Variants in RAPGEF2 observed in about 807,000 individuals in gnomAD.
RAPGEF2 encodes the protein Rap guanine nucleotide exchange factor 2, also known as PDZ domain containing guanine nucleotide exchange factor (GEF) 1.
Under a neutral mutation model 186.7 loss-of-function variants are expected in RAPGEF2, and 54 were observed. That is an observed-to-expected ratio of 0.29 (90% confidence interval 0.23 to 0.36). The LOEUF (loss-of-function observed/expected upper bound fraction) is 0.36, where lower values mean the gene tolerates loss of function less well. Ranked by LOEUF, RAPGEF2 falls within the 10% of genes least tolerant of loss-of-function variation. RAPGEF2 has a pLI of 1.00. For missense variants in RAPGEF2, 1,532 were observed against 2,045.0 expected, an observed-to-expected ratio of 0.75 and a Z score of 4.84; for synonymous variants, 712 against 705.9, an observed-to-expected ratio of 1.01 and a Z score of -0.14.
At chr4:159,298,973 G>A (rs1762340252) in intron 7 of RAPGEF2, among the ~76,000 whole-genome samples, 1 of 152,100 alleles carries the variant, frequency 6.6e-6, no homozygotes, top group South Asian at 2.1e-4. Flanking sequence ...TGAAAATATA[G>A]TATCCTTTAT....
intron 4 of RAPGEF2, among the ~76,000 whole-genome samples, chr4:159,231,892 C>T (rs1287109348): frequency 1.3e-5 from 2 of 152,200 alleles, no homozygotes; most frequent in African/African-American, 2.4e-5. Context: ...CCATCTCTAA[C>T]TAGGTCTTTC....
At position 159,359,900 on chromosome 4, in the gene RAPGEF2, C is replaced by CT; in HGVS notation, c.*1762dup. On this transcript the variant is annotated 3_prime_UTR_variant, in exon 30 of 30. Transcript: ENST00000691494. ...TAAGTAATTGTAGAACATAGGACTG[C>CT]TAATCTCAGTTCGCTCTGTGATGTC... 1 of 152,182 alleles carries CT rather than the reference C, an allele frequency of 6.6e-6. No individual in the cohort carries two copies. Among genetic ancestry groups the CT allele is most frequent in the Non-Finnish European group, 1.5e-5 (1 of 68,030 alleles). 9.4% of individuals were successfully genotyped at this position (152,182 alleles called of 1,614,324 possible).
chr4:159,356,163 A>G lies in RAPGEF2; in HGVS notation c.4957+5A>G. 2 of 1,608,636 alleles carry G rather than the reference A, an allele frequency of 1.2e-6. No individual in the cohort carries two copies. Among genetic ancestry groups the G allele is most frequent in the Non-Finnish European group, 1.7e-6 (2 of 1,175,622 alleles). On this transcript the variant is annotated splice_donor_5th_base_variant and intron_variant, in intron 29 of 29. Transcript: ENST00000691494. Reference sequence around the variant, plus strand: ...GGTTTTCCACCGAGGAGGATGGTATATGCACATAAATATTCCTAAAACCTC... The same window carrying G: ...GGTTTTCCACCGAGGAGGATGGTATGTGCACATAAATATTCCTAAAACCTC...
intron 26 of RAPGEF2, 101 bp downstream of exon 26, chr4:159,350,390 C>CT (rs1190983782): frequency 9.8e-7 from 1 of 1,017,018 alleles, no homozygotes; most frequent in East Asian, 3.0e-5. Context: ...ACATTATAGT[C>CT]ATTTAAGATG....
intron 4 of RAPGEF2, among the ~76,000 whole-genome samples, chr4:159,224,935 T>C (rs1216679415): frequency 6.6e-6 from 1 of 152,206 alleles, no homozygotes; most frequent in Non-Finnish European, 1.5e-5. Context: ...GCTTCAGATC[T>C]TTGAATTTGG....
Position 159,338,315 on chromosome 4 carries a change from A to T in RAPGEF2, c.2140A>T (p.Ile714Phe), listed in dbSNP as rs1180153247. Residue 714 changes from isoleucine to phenylalanine, a missense_variant, in exon 18 of 30, where the codon ATT (isoleucine) becomes TTT (phenylalanine). Around this residue, in one of 4 missense-constraint regions of RAPGEF2, gnomAD observed 810 missense variants for 1,210.5 expected, o/e 0.67. Transcript: ENST00000691494. Reference sequence around the variant, plus strand: ...CTAATTTTCCTCTTTGTTCAGTGATATTGGGATTGGTCAGTCTCAAGATGA... The same window carrying T: ...CTAATTTTCCTCTTTGTTCAGTGATTTTGGGATTGGTCAGTCTCAAGATGA... Reference protein sequence around the residue: ...SILPQKPYNDIGIGQSQDDSI... With the variant: ...SILPQKPYNDFGIGQSQDDSI... 1.9e-6 allele frequency: 3 copies of T among 1,610,436 alleles called. No individual in the cohort carries two copies. Among genetic ancestry groups the T allele is most frequent in the Non-Finnish European group, 1.7e-6 (2 of 1,177,916 alleles).
At chr4:159,131,743 A>G (rs1741137059) in intron 1 of RAPGEF2, among the ~76,000 whole-genome samples, 1 of 151,618 alleles carries the variant, frequency 6.6e-6, no homozygotes, top group African/African-American at 2.4e-5. Context: ...CAGCAGTCCT[A>G]CAGCCCGGCA....
intron 1 of RAPGEF2, among the ~76,000 whole-genome samples, chr4:159,120,305 C>G (rs767685870): frequency 6.7e-6 from 1 of 150,314 alleles, no homozygotes. Flanking sequence ...CAGGCGTGAG[C>G]CATTGCACCC....
At chr4:159,351,081 A>T in intron 26 of RAPGEF2, 1 of 1,533,872 alleles carries the variant, frequency 6.5e-7, no homozygotes, top group Middle Eastern at 1.7e-4. Flanking sequence ...ATCAGCTGAG[A>T]TCTTTTGGCT....
intron 1 of RAPGEF2, among the ~76,000 whole-genome samples, chr4:159,162,178 A>G (rs1471665133): frequency 6.8e-6 from 1 of 148,062 alleles, no homozygotes; most frequent in Non-Finnish European, 1.5e-5. Flanking sequence ...TAAAGCCAAG[A>G]GTTTAATACT....
At chr4:159,277,446 T>A (rs902349818) in intron 7 of RAPGEF2, among the ~76,000 whole-genome samples, 9 of 152,342 alleles carry the variant, frequency 5.9e-5, no homozygotes, top group African/African-American at 2.2e-4. Context: ...TACCCAGTAA[T>A]GGGATTGCTG....
chr4:159,277,749 C>T (rs1398704446), intron 7 of RAPGEF2, among the ~76,000 whole-genome samples: 1 of 152,162 alleles, frequency 6.6e-6, no homozygotes, highest in Non-Finnish European at 1.5e-5. Context: ...TGTTCATATC[C>T]TTTGCCCGCT....
At chr4:159,239,445 T>C (rs1452721720) in intron 5 of RAPGEF2, among the ~76,000 whole-genome samples, 1 of 152,214 alleles carries the variant, frequency 6.6e-6, no homozygotes, top group East Asian at 1.9e-4. Flanking sequence ...ACTTGAATTT[T>C]TTCAAGTTAT....
intron 1 of RAPGEF2, among the ~76,000 whole-genome samples, chr4:159,114,719 T>C (rs528101762): frequency 3.6e-4 from 55 of 152,182 alleles, no homozygotes; most frequent in Non-Finnish European, 7.2e-4. Context: ...ATAGAAAAAT[T>C]GTGGTAGTAG....
chr4:159,330,064 G>A, intron 12 of RAPGEF2, 54 bp downstream of exon 12: 3 of 1,544,048 alleles, frequency 1.9e-6, no homozygotes, highest in Non-Finnish European at 2.6e-6. Flanking sequence ...TGGTAGTATT[G>A]GTTGTGGCAG....
At chr4:159,240,083 C>T (rs1178482474) in intron 5 of RAPGEF2, among the ~76,000 whole-genome samples, 1 of 152,156 alleles carries the variant, frequency 6.6e-6, no homozygotes, top group East Asian at 1.9e-4. Flanking sequence ...ATATATAGCA[C>T]TTTCCAACAG....
intron 7 of RAPGEF2, among the ~76,000 whole-genome samples, chr4:159,289,491 C>A (rs1218202012): frequency 3.3e-5 from 5 of 152,130 alleles, no homozygotes; most frequent in Non-Finnish European, 5.9e-5. Context: ...GACTATAGAG[C>A]TGGTAAGGAA....
At chr4:159,284,481 GACACACACACACACACAC>G (rs36232973) in intron 7 of RAPGEF2, among the ~76,000 whole-genome samples, 52,402 of 140,372 alleles carry the variant, frequency 0.37, 10,343 homozygotes, top group Non-Finnish European at 0.45. Context: ...CCGCCATGGA[GACACACACACACACACAC>G]ACACACACAC....
chr4:159,198,932 T>C (rs892534715), intron 3 of RAPGEF2, among the ~76,000 whole-genome samples: 3 of 151,226 alleles, frequency 2.0e-5, no homozygotes, highest in Non-Finnish European at 3.0e-5. Context: ...ATACAAAAAT[T>C]AGGCGTGGTG....
Sources: gnomAD v4.1 joint callset for allele counts (sites outside exome capture counted in the v4.1 genomes callset) on GRCh38, gnomAD v4.1.1 for gene constraint, gnomAD v4.1.1 regional missense constraint, MANE v1.5 for transcripts, NCBI Gene and HGNC (gene_info 2026-07-23, HGNC 2026-07-21) for gene names.